SUCO: variants seen among roughly 807,000 people sequenced by gnomAD.
SUCO encodes SUN domain-containing ossification factor.
Under a neutral mutation model 148.1 loss-of-function variants are expected in SUCO, and 57 were observed. That is an observed-to-expected ratio of 0.38 (90% CI 0.31 to 0.48). The LOEUF (loss-of-function observed/expected upper bound fraction) is 0.48, where lower values mean the gene tolerates loss of function less well. Among genes scored for constraint, SUCO ranks in the 20% least tolerant of loss-of-function variants. The probability of loss-of-function intolerance (pLI) is 0.96; values close to 1 mark genes in which losing one functional copy is unlikely to be tolerated. For missense variants in SUCO, 1,331 were observed against 1,468.2 expected, an observed-to-expected ratio of 0.91 and a Z score of 1.53; for synonymous variants, 470 against 502.7, an observed-to-expected ratio of 0.93 and a Z score of 0.87.
chr1:172,589,518 T>C lies in SUCO; in HGVS notation c.2417T>C (p.Ile806Thr), dbSNP rs1437603415. ...TNKVNELMDN[I>T]IKEDVNSMQI... is the part of the protein sequence containing the mutation. ...AAAGTTAATGAGTTAATGGATAATATTATAAAAGAAGATGTGAACTCCATG... is the reference window on the plus strand; with the variant it reads ...AAAGTTAATGAGTTAATGGATAATACTATAAAAGAAGATGTGAACTCCATG... The change falls in exon 18 of 24, where the codon ATT becomes ACT. Residue 806 changes from isoleucine to threonine, a missense_variant. Transcript: ENST00000263688. 1.9e-6 allele frequency: 3 copies of C among 1,613,002 alleles called. No homozygotes were observed. Among genetic ancestry groups the C allele is most frequent in the African/African-American group, 1.3e-5 (1 of 74,814 alleles).
At chr1:172,606,183 C>T (rs899563847) in intron 22 of SUCO, among the ~76,000 whole-genome samples, 1 of 151,390 alleles carries the variant, frequency 6.6e-6, no homozygotes, top group African/African-American at 2.4e-5. Flanking sequence ...AGAAATTTTG[C>T]ATCTATATGA....
intron 7 of SUCO, chr1:172,569,383 A>G: frequency 1.0e-6 from 1 of 978,540 alleles, no homozygotes. Flanking sequence ...AAAATAAGGC[A>G]TAGCAGTGAT....
intron 17 of SUCO, among the ~76,000 whole-genome samples, chr1:172,587,755 A>G (rs895688125): frequency 2.0e-5 from 3 of 152,100 alleles, no homozygotes; most frequent in Non-Finnish European, 2.9e-5. Flanking sequence ...ATTTCCTGGC[A>G]TGCTTAGTAA....
At chr1:172,603,835 A>G (rs1190201437) in intron 22 of SUCO, among the ~76,000 whole-genome samples, 1 of 151,952 alleles carries the variant, frequency 6.6e-6, no homozygotes, top group Non-Finnish European at 1.5e-5. Flanking sequence ...GCCATTGACT[A>G]TAGGCATTTG....
At chr1:172,605,792 A>G (rs535398700) in intron 22 of SUCO, among the ~76,000 whole-genome samples, 1 of 151,912 alleles carries the variant, frequency 6.6e-6, no homozygotes, top group African/African-American at 2.4e-5. Context: ...TGCAGTCCTT[A>G]TAGCTTTTAT....
chr1:172,597,019 T>C (rs1426678032), intron 19 of SUCO, among the ~76,000 whole-genome samples: 1 of 152,236 alleles, frequency 6.6e-6, no homozygotes, highest in Non-Finnish European at 1.5e-5. Flanking sequence ...CACTGCTGCC[T>C]TGCAGTTCAA....
intron 15 of SUCO, among the ~76,000 whole-genome samples, 182 bp from the exon 16 acceptor site, chr1:172,584,835 AC>A (rs1454364997): frequency 6.6e-6 from 1 of 152,208 alleles, no homozygotes; most frequent in Non-Finnish European, 1.5e-5. Context: ...TTAGATACAC[AC>A]TTTACACTTT....
Position 172,569,072 on chromosome 1 carries a change from C to A in SUCO, c.786C>A (p.Pro262=). Reference sequence around the variant, plus strand: ...TTGACCCTACATCAGTAGCAAGTCCCAAAGATCCAGAAGATATACCAACAT... The same window carrying A: ...TTGACCCTACATCAGTAGCAAGTCCAAAAGATCCAGAAGATATACCAACAT... ...GDIDPTSVAS[P]KDPEDIPTFD... Residue 262 remains proline, a synonymous_variant, in exon 7 of 24, where the codon CCC becomes CCA. Coordinates refer to ENST00000263688, the MANE Select transcript of SUCO (RefSeq NM_014283.5). 1 of 1,596,490 alleles carries A rather than the reference C, an allele frequency of 6.3e-7. No homozygotes were observed. The highest frequency in any genetic ancestry group is 1.4e-5 in the African/African-American group (1 of 73,986).
chr1:172,607,345 C>T lies in SUCO; in HGVS notation c.3266-1402C>T, dbSNP rs145873588. On this transcript the variant is annotated intron_variant, in intron 22 of 23. Transcript: ENST00000263688. Reference sequence around the variant, plus strand: ...CATGACTTGTGGTTTGTTGGGCCACCAGGTGATGATAATTTGGACTGCAAG... The same window carrying T: ...CATGACTTGTGGTTTGTTGGGCCACTAGGTGATGATAATTTGGACTGCAAG... 1.6e-3 allele frequency among the ~76,000 whole-genome samples: 242 copies of T among 151,692 alleles called. 1 individual carries two copies. In the Middle Eastern group the frequency reaches 0.041, roughly 26 times the overall value.
intron 4 of SUCO, chr1:172,556,559 ATAC>A: frequency 1.0e-6 from 1 of 964,514 alleles, no homozygotes; most frequent in Non-Finnish European, 1.2e-6. Flanking sequence ...CCTTCTCTTA[ATAC>A]TACATTAAGC....
At chr1:172,576,771 A>C (rs906180427) in intron 11 of SUCO, 5 of 402,542 alleles carry the variant, frequency 1.2e-5, no homozygotes, top group Non-Finnish European at 1.7e-5. Context: ...GTTTTATAAA[A>C]AACCTTCTTT....
intron 1 of SUCO, among the ~76,000 whole-genome samples, chr1:172,545,718 T>G (rs1652801418): frequency 6.6e-6 from 1 of 152,226 alleles, no homozygotes. Flanking sequence ...TGAAATTTGA[T>G]AAGTGAAAGT....
chr1:172,571,531 C>T (rs182443134), intron 9 of SUCO, among the ~76,000 whole-genome samples: 4 of 147,010 alleles, frequency 2.7e-5, no homozygotes, highest in South Asian at 2.2e-4. Flanking sequence ...TCGTCTGGGA[C>T]GTGAGGAGCC....
chr1:172,598,207 G>A (rs755695622), intron 19 of SUCO, among the ~76,000 whole-genome samples: 18 of 152,148 alleles, frequency 1.2e-4, no homozygotes, highest in African/African-American at 1.9e-4. Flanking sequence ...TGGAATGAGC[G>A]TCCTTTCTCC....
At chr1:172,575,696 CT>C (rs1655386392) in intron 11 of SUCO, 73 bp downstream of exon 11, 1 of 1,002,808 alleles carries the variant, frequency 1.0e-6, no homozygotes, top group Non-Finnish European at 1.5e-6. Flanking sequence ...TACACCTCAT[CT>C]TTTTAGAAAT....
chr1:172,548,948 T>A (rs1571190521), intron 1 of SUCO, among the ~76,000 whole-genome samples: 1 of 152,004 alleles, frequency 6.6e-6, no homozygotes, highest in East Asian at 1.9e-4. Context: ...ACTTTTTGTT[T>A]ATTCTCTTTC....
At chr1:172,608,405 A>T in intron 22 of SUCO, 1 of 281,334 alleles carries the variant, frequency 3.6e-6, no homozygotes, top group East Asian at 1.1e-4. Context: ...GAGCTTACCC[A>T]GGAATGTTTC....
chr1:172,591,166 T>C lies in SUCO; in HGVS notation c.2913+95T>C, dbSNP rs878960246. ...AACAGTAAGTATTGTAGTTTCACTT[T>C]TTCCCCCTGCTAGCTGGTGTTTAAG... On this transcript the variant is annotated intron_variant, in intron 19 of 23. Coordinates refer to ENST00000263688, the MANE Select transcript of SUCO (RefSeq NM_014283.5). The C allele has an allele frequency of 6.7e-6, 6 of 901,986 alleles. No individual in the cohort carries two copies. The South Asian group carries it at 9.6e-5, about 14-fold the overall frequency. The allele number at this position is 901,986 out of a possible 1,614,324, so 55.9% of individuals were successfully genotyped here.
intron 2 of SUCO, chr1:172,551,843 C>T (rs1450118728): frequency 4.4e-6 from 2 of 456,380 alleles, no homozygotes; most frequent in Non-Finnish European, 3.9e-6. Flanking sequence ...TTTGTAACAT[C>T]CTTAGTCCTG....
Sources: gnomAD v4.1 joint callset for allele counts (sites outside exome capture counted in the v4.1 genomes callset) on GRCh38, gnomAD v4.1.1 for gene constraint, MANE v1.5 for transcripts, NCBI Gene and HGNC (gene_info 2026-07-23, HGNC 2026-07-21) for gene names.